The following MAN1B1 variants were observed in gnomAD, a reference collection of about 807,000 sequenced individuals.
MAN1B1 encodes the protein endoplasmic reticulum mannosyl-oligosaccharide 1,2-alpha-mannosidase.
A neutral mutation model predicts 75.5 loss-of-function variants in MAN1B1; 66 were observed. The observed-to-expected ratio is 0.87, with a 90% confidence interval of 0.72 to 1.07. The LOEUF (loss-of-function observed/expected upper bound fraction) is 1.07, where lower values mean the gene tolerates loss of function less well. MAN1B1 is among the 50% of genes least tolerant of loss of function. MAN1B1 has a pLI of 0.00. For missense variants in MAN1B1, 973 were observed against 912.5 expected (o/e 1.07, Z -0.85); for synonymous variants, 453 against 382.8 (o/e 1.18, Z -2.14).
At chr9:137,095,859 G>A (rs1267470491) in intron 3 of MAN1B1, among the ~76,000 whole-genome samples, 1 of 152,348 alleles carries the variant, frequency 6.6e-6, no homozygotes, top group Non-Finnish European at 1.5e-5. Context: ...GTGCTTTGTA[G>A]TGAGGATGTG....
rs755475463 is a variant in MAN1B1 at position 137,107,310 on chromosome 9, G to A, written c.1627G>A (p.Ala543Thr). The A allele has an allele frequency of 2.4e-5, 39 of 1,613,016 alleles. No homozygotes were observed. The highest frequency in any genetic ancestry group is 5.0e-5 in the Admixed American group (3 of 60,014). The stretch of plus-strand genomic sequence containing the variant: ...TCTGGGCGTCTACCACGGCCTGCCC[G>A]CCAGCCACATGGAGCTGGCCCAGGA... ...LALGVYHGLPASHMELAQELM... is the reference protein window; with the variant it reads ...LALGVYHGLPTSHMELAQELM... Residue 543 changes from alanine to threonine, a missense_variant, in exon 11 of 13, where the codon GCC (alanine) becomes ACC (threonine). Coordinates refer to ENST00000371589, the MANE Select transcript of MAN1B1 (RefSeq NM_016219.5).
At chr9:137,096,689 C>T (rs572980972) in intron 4 of MAN1B1, among the ~76,000 whole-genome samples, 48 of 152,212 alleles carry the variant, frequency 3.2e-4, no homozygotes, top group Non-Finnish European at 6.5e-4. Context: ...GAGGTGGACG[C>T]TGGCTGCCTG....
chr9:137,107,425 G>A lies in MAN1B1; in HGVS notation c.1742G>A (p.Gly581Asp), dbSNP rs376968555. ...CACTTCAACCTTTACCCCCAGCCGG[G>A]CCGTCGGGACGTGGAGGTCAAGGTG... ...IVHFNLYPQP[G>D]RRDVEVKPAD... The change falls in exon 11 of 13, where the codon GGC becomes GAC. Residue 581 changes from glycine (G) to aspartate (D), a missense_variant. Coordinates refer to ENST00000371589, the MANE Select transcript of MAN1B1 (RefSeq NM_016219.5). 1.5e-4 allele frequency: 235 copies of A among 1,613,446 alleles called. 8 individuals are homozygous for A. Among genetic ancestry groups the A allele is most frequent in the East Asian group, 1.2e-3 (53 of 44,880 alleles).
At chr9:137,100,089 A>G (rs1023496584) in intron 6 of MAN1B1, among the ~76,000 whole-genome samples, 5 of 152,232 alleles carry the variant, frequency 3.3e-5, no homozygotes, top group Admixed American at 6.5e-5. Flanking sequence ...CGCTGTCCCC[A>G]GACCTCTGCA....
Position 137,101,157 on chromosome 9 carries a change from A to G in MAN1B1, c.1065+4A>G, listed in dbSNP as rs1395974278. 6.2e-7 allele frequency: 1 copy of G among 1,613,514 alleles called. No homozygotes were observed. The highest frequency in any genetic ancestry group is 1.3e-5 in the African/African-American group (1 of 74,910). On this transcript the variant is annotated splice_donor_region_variant and intron_variant, in intron 7 of 12. Transcript: ENST00000371589. ...CAGCCTCTTCCTGAGGAAAGCTGTA[A>G]GTGTCTTGGGGTGTCCTGCAGGGAG...
chr9:137,089,967 T>C (rs931438658), intron 3 of MAN1B1, among the ~76,000 whole-genome samples: 9 of 151,178 alleles, frequency 6.0e-5, no homozygotes, highest in Non-Finnish European at 1.2e-4. Context: ...GTTTTAGGAG[T>C]CCCTAGGTAT....
At position 137,087,041 on chromosome 9, in the gene MAN1B1, C is replaced by G; in HGVS notation, c.42C>G (p.Ser14=). 1 of 1,604,138 alleles carries G rather than the reference C, an allele frequency of 6.2e-7. No individual in the cohort carries two copies. The highest frequency in any genetic ancestry group is 8.5e-7 in the Non-Finnish European group (1 of 1,177,048). ...CEGRRSGALG[S]SQSDFLTPPV... is the part of the protein sequence containing the mutation. ...GCAGGAGAAGCGGAGCTCTCGGTTC[C>G]TCTCAGTCGGACTTCCTGACGCCGC... The change falls in exon 1 of 13, where the codon TCC becomes TCG. Residue 14 remains serine, a synonymous_variant. Transcript: ENST00000371589.
intron 2 of MAN1B1, 106 bp from the exon 3 acceptor site, chr9:137,088,763 A>G (rs1392775195): frequency 1.7e-6 from 2 of 1,182,944 alleles, no homozygotes; most frequent in Non-Finnish European, 2.5e-6. Flanking sequence ...AGGTATCATA[A>G]TGTTGATTTG....
At position 137,107,340 on chromosome 9, in the gene MAN1B1, A is replaced by G. The variant is rs745592747; in HGVS notation, c.1657A>G (p.Met553Val). ...CCACATGGAGCTGGCCCAGGAGCTC[A>G]TGGAGACTTGTTACCAGATGAACCG... ...ASHMELAQEL[M>V]ETCYQMNRQM... The change falls in exon 11 of 13, where the codon ATG becomes GTG. Residue 553 changes from methionine (M) to valine (V), a missense_variant. Met to Val is a conservative substitution (Grantham distance 21). Transcript: ENST00000371589. The G allele has an allele frequency of 5.0e-6, 8 of 1,613,312 alleles. No homozygotes were observed. Among genetic ancestry groups the G allele is most frequent in the South Asian group, 2.2e-5 (2 of 91,088 alleles).
rs1406922732 is a variant in MAN1B1, at chr9:137,087,197, G to A, written c.198G>A (p.Trp66Ter). The stretch of plus-strand genomic sequence containing the variant: ...AGAACTATGACAACAGCAAGAGTTG[G>A]CGGCGGCGCTCGTGCTGGAGGGTGA... ...FGENYDNSKSWRRRSCWRKWK... is the reference protein window; with the variant it reads ...FGENYDNSKS Residue 66 changes from tryptophan (W) to a stop codon, truncating the protein, a stop_gained, in exon 1 of 13, where the codon TGG (tryptophan) becomes TGA (stop). Coordinates refer to ENST00000371589, the MANE Select transcript of MAN1B1 (RefSeq NM_016219.5). LOFTEE classifies it high-confidence loss of function. 3 of 1,583,012 alleles carry A rather than the reference G, an allele frequency of 1.9e-6. No homozygotes were observed. Among genetic ancestry groups the A allele is most frequent in the South Asian group, 2.3e-5 (2 of 87,480 alleles).
intron 4 of MAN1B1, among the ~76,000 whole-genome samples, chr9:137,097,621 T>C (rs1283855439): frequency 6.6e-6 from 1 of 152,208 alleles, no homozygotes; most frequent in African/African-American, 2.4e-5. Flanking sequence ...GCCTTGACCC[T>C]GGAGCAGTGC....
chr9:137,107,656 C>T lies in MAN1B1; in HGVS notation c.1890C>T (p.Phe630=), dbSNP rs762723725. 9 of 1,609,738 alleles carry T rather than the reference C, an allele frequency of 5.6e-6. No individual in the cohort carries two copies. The highest frequency in any genetic ancestry group is 2.2e-5 in the South Asian group (2 of 91,088). ...GWEILQSFSR[F]TRVPSGGYSS... is the part of the protein sequence containing the mutation. ...AGATTCTGCAGAGCTTCAGCCGATTCACACGGGTGAGCACCTGTCCTCGCC... is the reference window on the plus strand; with the variant it reads ...AGATTCTGCAGAGCTTCAGCCGATTTACACGGGTGAGCACCTGTCCTCGCC... The change falls in exon 12 of 13, where the codon TTC becomes TTT. Residue 630 remains phenylalanine, a synonymous_variant. Coordinates refer to ENST00000371589, the MANE Select transcript of MAN1B1 (RefSeq NM_016219.5).
chr9:137,093,841 A>C (rs1830584274), intron 3 of MAN1B1, among the ~76,000 whole-genome samples: 1 of 152,032 alleles, frequency 6.6e-6, no homozygotes, highest in African/African-American at 2.4e-5. Flanking sequence ...CTCAAAAAAA[A>C]GAGAAAAGAT....
chr9:137,105,989 G>T, intron 8 of MAN1B1, 136 bp from the exon 9 acceptor site: 1 of 752,992 alleles, frequency 1.3e-6, no homozygotes, highest in Non-Finnish European at 2.3e-6. Context: ...ACAGCTGTGG[G>T]CTGGGCACAG....
Position 137,088,135 on chromosome 9 carries a change from C to G in MAN1B1, c.280C>G (p.Leu94Val), listed in dbSNP as rs1332543457. Reference sequence around the variant, plus strand: ...GATTCTCTTCCTCCTTGCCTTTCTGCTTTTCTGTGGACTCCTCTTCTACAT... The same window carrying G: ...GATTCTCTTCCTCCTTGCCTTTCTGGTTTTCTGTGGACTCCTCTTCTACAT... The part of the protein sequence containing the change: ...NMILFLLAFL[L>V]FCGLLFYINL... Residue 94 changes from leucine to valine, a missense_variant, in exon 2 of 13, where the codon CTT (leucine) becomes GTT (valine). Coordinates refer to ENST00000371589, the MANE Select transcript of MAN1B1 (RefSeq NM_016219.5). The G allele has an allele frequency of 6.2e-7, 1 of 1,614,070 alleles. No individual in the cohort carries two copies. Among genetic ancestry groups the G allele is most frequent in the Non-Finnish European group, 8.5e-7 (1 of 1,180,034 alleles).
intron 3 of MAN1B1, among the ~76,000 whole-genome samples, chr9:137,093,465 T>C (rs965440877): frequency 3.3e-5 from 5 of 152,184 alleles, no homozygotes; most frequent in South Asian, 2.1e-4. Flanking sequence ...TACTAAAATA[T>C]ATAAAGTCAG....
intron 2 of MAN1B1, 126 bp downstream of exon 2, chr9:137,088,309 G>C: frequency 6.2e-7 from 1 of 1,607,918 alleles, no homozygotes; most frequent in South Asian, 1.1e-5. Flanking sequence ...AAGAAATCAA[G>C]ATAAAGAGAA....
intron 1 of MAN1B1, chr9:137,087,648 T>A (rs191074410): frequency 1.0e-3 from 419 of 412,008 alleles, no homozygotes; most frequent in Non-Finnish European, 1.4e-3. Flanking sequence ...GATAACCACA[T>A]GCGGACTGTG....
chr9:137,098,292 T>G (rs12375806), intron 5 of MAN1B1, among the ~76,000 whole-genome samples: 1 of 152,136 alleles, frequency 6.6e-6, no homozygotes, highest in African/African-American at 2.4e-5. Context: ...GCACCGTTTG[T>G]TGGGGGCCTC....
Sources: gnomAD v4.1 joint callset for allele counts (sites outside exome capture counted in the v4.1 genomes callset) on GRCh38, gnomAD v4.1.1 for gene constraint, MANE v1.5 for transcripts, NCBI Gene and HGNC (gene_info 2026-07-23, HGNC 2026-07-21) for gene names.